MAN1A1: variants seen among roughly 807,000 people sequenced by gnomAD.
MAN1A1 encodes mannosidase alpha class 1A member 1.
A neutral mutation model predicts 70.8 loss-of-function variants in MAN1A1; 29 were observed. The ratio of observed to expected loss-of-function variants is 0.41; its 90% CI spans 0.31 to 0.56. MAN1A1 has a LOEUF of 0.56. Ranked by LOEUF, MAN1A1 falls within the 20% of genes least tolerant of loss-of-function variation. The pLI, the probability that MAN1A1 is intolerant of heterozygous loss-of-function variation, is 0.29. For missense variants in MAN1A1, 747 were observed against 841.3 expected (o/e 0.89, Z 1.39); for synonymous variants, 349 against 330.1 (o/e 1.06, Z -0.62).
chr6:119,275,277 A>ATTTTTTTT (rs869090504), intron 5 of MAN1A1, among the ~76,000 whole-genome samples: 2 of 52,890 alleles, frequency 3.8e-5, no homozygotes, highest in African/African-American at 6.9e-5. Context: ...TACCCAGCTA[A>ATTTTTTTT]TTTTTTTTTT....
chr6:119,289,535 A>G (rs575881075), intron 5 of MAN1A1, among the ~76,000 whole-genome samples: 3 of 152,030 alleles, frequency 2.0e-5, no homozygotes, highest in Admixed American at 2.0e-4. Flanking sequence ...AAAACAGAAA[A>G]AAGGGAGGAA....
intron 2 of MAN1A1, among the ~76,000 whole-genome samples, chr6:119,343,266 G>A (rs1773644383): frequency 6.6e-6 from 1 of 152,070 alleles, no homozygotes; most frequent in South Asian, 2.1e-4. Flanking sequence ...CAATTCTTTG[G>A]GGTTTTATTT....
At chr6:119,184,735 A>G (rs900885955) in intron 11 of MAN1A1, among the ~76,000 whole-genome samples, 17 of 152,298 alleles carry the variant, frequency 1.1e-4, no homozygotes, top group African/African-American at 4.1e-4. Flanking sequence ...AGCCAAAAAA[A>G]AATCCCAAAT....
At chr6:119,198,695 CAT>C in intron 8 of MAN1A1, among the ~76,000 whole-genome samples, 1 of 152,242 alleles carries the variant, frequency 6.6e-6, no homozygotes, top group East Asian at 1.9e-4. Flanking sequence ...CACATTTTTG[CAT>C]ATCTCTTTCT....
chr6:119,179,945 T>C lies in MAN1A1; in HGVS notation c.1836A>G (p.Lys612=), dbSNP rs146373552. 8.1e-5 allele frequency: 131 copies of C among 1,613,298 alleles called. No individual in the cohort carries two copies. The African/African-American group carries it at 1.4e-3, about 17-fold the overall frequency. Residue 612 remains lysine, a splice_region_variant and synonymous_variant, in exon 13 of 13, where the codon AAA becomes AAG. Transcript: ENST00000368468. ...CGTCAGAAAATATTAGGTACAAATATCTGGTGAGAGAAACATAAGTATATG... is the reference window on the plus strand; with the variant it reads ...CGTCAGAAAATATTAGGTACAAATACCTGGTGAGAGAAACATAAGTATATG... ...QQSFFLAETL[K]YLYLIFSDDD... is the part of the protein sequence containing the mutation.
rs776396837 is a variant in MAN1A1 at position 119,349,026 on chromosome 6, C to T, written c.40G>A (p.Ala14Thr). 4 of 1,359,132 alleles carry T rather than the reference C, an allele frequency of 2.9e-6. No individual in the cohort carries two copies. The East Asian group carries it at 8.8e-5, about 30-fold the overall frequency. 84.2% of individuals were successfully genotyped at this position (1,359,132 alleles called of 1,614,324 possible). Residue 14 changes from alanine to threonine, a missense_variant, in exon 2 of 13, where the codon GCG (alanine) becomes ACG (threonine). Ala to Thr is a moderately conservative substitution (Grantham distance 58). Around this residue, in one of 2 missense-constraint regions of MAN1A1, gnomAD observed 328 missense variants for 293.1 expected, o/e 1.12. Coordinates refer to ENST00000368468, the MANE Select transcript of MAN1A1 (RefSeq NM_005907.4). ...AGCCCCCCGCCCAGGACGCCGCCCG[C>T]GGGGCTGCTGAAGAGCGGCAACAGG... ...GGLLPLFSSP[A>T]GGVLGGGLGG...
intron 7 of MAN1A1, among the ~76,000 whole-genome samples, chr6:119,202,376 T>C (rs1368783960): frequency 6.6e-6 from 1 of 152,140 alleles, no homozygotes; most frequent in African/African-American, 2.4e-5. Context: ...GGAAGGTCTT[T>C]CAGGGGCAGT....
chr6:119,347,572 G>A (rs548535492), intron 2 of MAN1A1, among the ~76,000 whole-genome samples: 2 of 152,194 alleles, frequency 1.3e-5, no homozygotes, highest in Non-Finnish European at 2.9e-5. Flanking sequence ...GGTGACAGGT[G>A]ACTGGGGGAA....
intron 2 of MAN1A1, among the ~76,000 whole-genome samples, chr6:119,328,705 C>T (rs195061): frequency 0.11 from 17,427 of 152,122 alleles, 1,427 homozygotes; most frequent in Admixed American, 0.25. Context: ...TTGATGTGTG[C>T]AGGTGTGTGT....
intron 5 of MAN1A1, among the ~76,000 whole-genome samples, chr6:119,285,814 T>A (rs928554171): frequency 2.0e-5 from 3 of 152,194 alleles, no homozygotes; most frequent in Non-Finnish European, 4.4e-5. Flanking sequence ...GTTGGATTTT[T>A]CTTGTTTATA....
At chr6:119,257,041 A>T (rs1398959898) in intron 5 of MAN1A1, among the ~76,000 whole-genome samples, 1 of 152,154 alleles carries the variant, frequency 6.6e-6, no homozygotes, top group East Asian at 1.9e-4. Flanking sequence ...AATTTTTTTT[A>T]AAAAGTGAGT....
chr6:119,330,324 C>T (rs894785711), intron 2 of MAN1A1, among the ~76,000 whole-genome samples: 3 of 152,096 alleles, frequency 2.0e-5, no homozygotes, highest in African/African-American at 4.8e-5. Flanking sequence ...TCTCTCCTGA[C>T]GATTCCAACC....
intron 2 of MAN1A1, among the ~76,000 whole-genome samples, chr6:119,336,360 G>A (rs929471801): frequency 6.6e-6 from 1 of 152,098 alleles, no homozygotes; most frequent in African/African-American, 2.4e-5. Context: ...GAGCCACTGC[G>A]CCCGGCACCA....
At chr6:119,336,151 C>A (rs1317588308) in intron 2 of MAN1A1, among the ~76,000 whole-genome samples, 1 of 152,168 alleles carries the variant, frequency 6.6e-6, no homozygotes, top group African/African-American at 2.4e-5. Flanking sequence ...TTCACTGCAA[C>A]CTCCGCCTCC....
intron 7 of MAN1A1, among the ~76,000 whole-genome samples, chr6:119,204,517 CTT>C (rs1773804051): frequency 6.6e-6 from 1 of 152,124 alleles, no homozygotes; most frequent in Admixed American, 6.5e-5. Context: ...AAGTAACTAA[CTT>C]AAGGTAAAGG....
intron 6 of MAN1A1, 89 bp from the exon 7 acceptor site, chr6:119,204,971 A>G (rs765378967): frequency 2.2e-4 from 286 of 1,327,340 alleles, no homozygotes; most frequent in Non-Finnish European, 2.6e-4. Flanking sequence ...GACAGCTTTT[A>G]AAAAAAGGCA....
chr6:119,297,273 A>T (rs1772241315), intron 4 of MAN1A1, among the ~76,000 whole-genome samples: 1 of 152,216 alleles, frequency 6.6e-6, no homozygotes, highest in Non-Finnish European at 1.5e-5. Context: ...ATATAAACAG[A>T]TGACACAATA....
rs528106713 is a variant in MAN1A1 at position 119,188,260 on chromosome 6, A to G, written c.1719+145T>C. On this transcript the variant is annotated intron_variant, in intron 11 of 12. Coordinates refer to ENST00000368468, the MANE Select transcript of MAN1A1 (RefSeq NM_005907.4). ...AAGCCAGGGATATAAAATGACTTCA[A>G]TGAAAATACACAGTCCTGGGTGGAA... The G allele has an allele frequency of 2.3e-5, 15 of 652,904 alleles. 1 individual carries two copies. The South Asian group carries it at 2.4e-4, about 10-fold the overall frequency. 40.4% of individuals were successfully genotyped at this position (652,904 alleles called of 1,614,324 possible).
At chr6:119,286,595 T>C (rs1256472165) in intron 5 of MAN1A1, among the ~76,000 whole-genome samples, 1 of 152,174 alleles carries the variant, frequency 6.6e-6, no homozygotes, top group Non-Finnish European at 1.5e-5. Context: ...AGTAAACTCA[T>C]CTACTGTAAA....
Sources: allele counts gnomAD v4.1 joint callset (sites outside exome capture counted in the v4.1 genomes callset), GRCh38; gene constraint gnomAD v4.1.1; regional missense constraint gnomAD v4.1.1; transcripts MANE v1.5; gene names NCBI Gene and HGNC (gene_info 2026-07-23, HGNC 2026-07-21).